Variants in AGBL4 observed in about 807,000 individuals in gnomAD.
AGBL4 encodes the protein cytosolic carboxypeptidase 6.
A neutral mutation model predicts 66.4 loss-of-function variants in AGBL4; 58 were observed. That is an observed-to-expected ratio of 0.87 (90% CI 0.71 to 1.09). The LOEUF is 1.09. AGBL4 is among the 50% of genes least tolerant of loss of function. The pLI is 0.00. For missense variants in AGBL4, 579 were observed against 631.0 expected (o/e 0.92, Z 0.88); for synonymous variants, 234 against 222.9 (o/e 1.05, Z -0.44).
At chr1:49,833,143 T>C (rs1645744287) in intron 2 of AGBL4, among the ~76,000 whole-genome samples, 1 of 152,226 alleles carries the variant, frequency 6.6e-6, no homozygotes, top group South Asian at 2.1e-4. Context: ...GGTTTAAGTC[T>C]TTAATCCATC....
intron 2 of AGBL4, among the ~76,000 whole-genome samples, chr1:49,706,528 T>C (rs1013568493): frequency 1.9e-4 from 29 of 152,018 alleles, no homozygotes; most frequent in African/African-American, 7.0e-4. Context: ...TTTTGAAGGG[T>C]TTTTCATCTC....
intron 6 of AGBL4, among the ~76,000 whole-genome samples, chr1:48,669,385 G>A (rs1005350391): frequency 7.9e-5 from 12 of 152,096 alleles, no homozygotes; most frequent in Admixed American, 1.3e-4. Context: ...TTGGTTCTGC[G>A]GGTGCTGAGC....
intron 3 of AGBL4, among the ~76,000 whole-genome samples, chr1:49,451,824 G>A (rs61783599): frequency 0.026 from 4,003 of 151,858 alleles, 170 homozygotes; most frequent in Admixed American, 0.11. Context: ...GTAGAGTAAA[G>A]GAAAAAATTA....
At chr1:49,739,630 A>G (rs1467724902) in intron 2 of AGBL4, among the ~76,000 whole-genome samples, 1 of 152,158 alleles carries the variant, frequency 6.6e-6, no homozygotes, top group Non-Finnish European at 1.5e-5. Flanking sequence ...GAAATGGAAA[A>G]AATGTTAAGG....
At chr1:49,896,162 G>A (rs547741354) in intron 1 of AGBL4, among the ~76,000 whole-genome samples, 1 of 151,906 alleles carries the variant, frequency 6.6e-6, no homozygotes, top group Non-Finnish European at 1.5e-5. Context: ...GTAATTAAGG[G>A]GTCAATTCAG....
At chr1:48,756,281 C>G (rs990004675) in intron 6 of AGBL4, among the ~76,000 whole-genome samples, 1 of 152,192 alleles carries the variant, frequency 6.6e-6, no homozygotes, top group Non-Finnish European at 1.5e-5. Flanking sequence ...CTTCAGGAAG[C>G]CTTCCTTCTC....
At position 48,933,230 on chromosome 1, in the gene AGBL4, A is replaced by C. The variant is rs367818315; in HGVS notation, c.595-66000T>G. Among the ~76,000 whole-genome samples, 14 of 152,328 alleles carry C rather than the reference A, an allele frequency of 9.2e-5. 1 individual carries two copies. Among genetic ancestry groups the C allele is most frequent in the African/African-American group, 3.4e-4 (14 of 41,574 alleles). On this transcript the variant is annotated intron_variant, in intron 5 of 13. Transcript: ENST00000371839. ...TATGTGTATTTGTTTGTATATATAC[A>C]CATATATATGGTATTTATCATATGG...
intron 3 of AGBL4, among the ~76,000 whole-genome samples, chr1:49,317,402 A>G (rs1262189090): frequency 6.6e-6 from 1 of 151,936 alleles, no homozygotes; most frequent in Non-Finnish European, 1.5e-5. Context: ...TTAAGCATTT[A>G]ATACATGCCT....
At chr1:49,174,454 G>A (rs573280348) in intron 4 of AGBL4, among the ~76,000 whole-genome samples, 67 of 152,108 alleles carry the variant, frequency 4.4e-4, no homozygotes, top group African/African-American at 1.6e-3. Context: ...GTCATATTTA[G>A]CAGGTAAGTT....
intron 5 of AGBL4, among the ~76,000 whole-genome samples, chr1:49,011,036 T>C (rs1262976674): frequency 1.3e-5 from 2 of 151,966 alleles, no homozygotes; most frequent in Non-Finnish European, 2.9e-5. Context: ...AAATGGGATC[T>C]AATTAAACTA....
rs191724261 is a variant in AGBL4 at position 49,823,984 on chromosome 1, G to A, written c.157+27412C>T. Reference sequence around the variant, plus strand: ...CCAGCACTTTGGGAGGTCGAGTTGGGTGGATCACCTGAAGTTGGGAGTTCG... The same window carrying A: ...CCAGCACTTTGGGAGGTCGAGTTGGATGGATCACCTGAAGTTGGGAGTTCG... On this transcript the variant is annotated intron_variant, in intron 2 of 13. Transcript: ENST00000371839. 5.1e-3 allele frequency among the ~76,000 whole-genome samples: 784 copies of A among 152,234 alleles called. 12 individuals carry two copies. Among genetic ancestry groups the A allele is most frequent in the Non-Finnish European group, 5.4e-3 (367 of 68,012 alleles).
intron 5 of AGBL4, among the ~76,000 whole-genome samples, chr1:49,007,551 G>A (rs1661967146): frequency 2.0e-5 from 3 of 150,302 alleles, no homozygotes; most frequent in South Asian, 4.3e-4. Flanking sequence ...TCCTCGAGAA[G>A]AGCAACTCCA....
At chr1:49,645,069 T>A (rs902211363) in intron 3 of AGBL4, among the ~76,000 whole-genome samples, 9 of 151,526 alleles carry the variant, frequency 5.9e-5, no homozygotes, top group African/African-American at 1.7e-4. Flanking sequence ...AAATTAGTAT[T>A]TTGAACTAAA....
intron 2 of AGBL4, among the ~76,000 whole-genome samples, chr1:49,706,872 C>A (rs186411895): frequency 6.6e-6 from 1 of 152,138 alleles, no homozygotes; most frequent in Admixed American, 6.6e-5. Context: ...GTATCTTAAT[C>A]TTGAACTCTA....
chr1:50,023,450 G>A (rs981818550), intron 1 of AGBL4, among the ~76,000 whole-genome samples: 2 of 152,054 alleles, frequency 1.3e-5, no homozygotes, highest in African/African-American at 2.4e-5. Flanking sequence ...CCTAGGATTA[G>A]CCTTCACCAC....
chr1:48,623,375 G>A (rs1410772275), intron 9 of AGBL4, among the ~76,000 whole-genome samples: 2 of 152,230 alleles, frequency 1.3e-5, no homozygotes, highest in Non-Finnish European at 2.9e-5. Context: ...AGACACATGG[G>A]ACCAGTACAG....
intron 3 of AGBL4, among the ~76,000 whole-genome samples, chr1:49,614,642 G>T (rs575989863): frequency 6.6e-6 from 1 of 152,114 alleles, no homozygotes; most frequent in East Asian, 1.9e-4. Context: ...AAAAGCAGTT[G>T]TACCAATTTA....
At chr1:48,712,410 C>T (rs1158083257) in intron 6 of AGBL4, among the ~76,000 whole-genome samples, 1 of 152,176 alleles carries the variant, frequency 6.6e-6, no homozygotes, top group African/African-American at 2.4e-5. Context: ...CTGAGCATAT[C>T]ATTTCCCCTC....
intron 3 of AGBL4, among the ~76,000 whole-genome samples, chr1:49,534,703 A>C (rs1247532789): frequency 6.6e-6 from 1 of 152,216 alleles, no homozygotes; most frequent in Non-Finnish European, 1.5e-5. Context: ...CAGATAGAGG[A>C]GGCTCTTGCA....
Sources: gnomAD v4.1 joint callset for allele counts (sites outside exome capture counted in the v4.1 genomes callset) on GRCh38, gnomAD v4.1.1 for gene constraint, MANE v1.5 for transcripts, NCBI Gene and HGNC (gene_info 2026-07-23, HGNC 2026-07-21) for gene names.